PPM1H: variants seen among roughly 807,000 people sequenced by gnomAD.
The protein encoded by PPM1H is protein phosphatase 1H.
In PPM1H, 27 loss-of-function variants were observed where a neutral mutation model predicts 54.9. The ratio of observed to expected loss-of-function variants is 0.49; its 90% CI spans 0.36 to 0.68. The LOEUF (loss-of-function observed/expected upper bound fraction) is 0.68. Among genes scored for constraint, PPM1H ranks in the 30% least tolerant of loss-of-function variants. The probability of loss-of-function intolerance (pLI) is 0.00; values close to 1 mark genes in which losing one functional copy is unlikely to be tolerated. For missense variants in PPM1H, 596 were observed against 667.8 expected, an observed-to-expected ratio of 0.89 and a Z score of 1.19; for synonymous variants, 305 against 270.8, an observed-to-expected ratio of 1.13 and a Z score of -1.24.
At chr12:62,701,157 C>T (rs572940647) in intron 6 of PPM1H, among the ~76,000 whole-genome samples, 3 of 152,276 alleles carry the variant, frequency 2.0e-5, no homozygotes, top group African/African-American at 7.2e-5. Context: ...AGGCTTTATT[C>T]GTATTTTCTT....
At chr12:62,907,870 C>G (rs974865243) in intron 1 of PPM1H, among the ~76,000 whole-genome samples, 1 of 152,208 alleles carries the variant, frequency 6.6e-6, no homozygotes, top group Admixed American at 6.5e-5. Flanking sequence ...TTCTCCCCCT[C>G]ATGGCTGTCC....
chr12:62,831,714 T>TGTGA, intron 2 of PPM1H, among the ~76,000 whole-genome samples: 1 of 151,438 alleles, frequency 6.6e-6, no homozygotes, highest in African/African-American at 2.4e-5. Context: ...TGTATGTGTG[T>TGTGA]GTGTGTGTGT....
intron 1 of PPM1H, among the ~76,000 whole-genome samples, chr12:62,904,925 C>G (rs1871262650): frequency 6.6e-6 from 1 of 151,974 alleles, no homozygotes; most frequent in African/African-American, 2.4e-5. Flanking sequence ...TGTAGCCTAA[C>G]AGCCACAGCA....
intron 1 of PPM1H, among the ~76,000 whole-genome samples, chr12:62,859,019 T>TA (rs770585525): frequency 1.6e-4 from 24 of 152,292 alleles, no homozygotes; most frequent in Middle Eastern, 3.4e-3. Context: ...ACAAATGAGC[T>TA]AAAAAATCCG....
intron 2 of PPM1H, among the ~76,000 whole-genome samples, chr12:62,822,947 A>C (rs2076913394): frequency 1.3e-5 from 2 of 152,212 alleles, no homozygotes; most frequent in South Asian, 4.1e-4. Flanking sequence ...AAAATCAATA[A>C]ATTCAGGAGC....
intron 3 of PPM1H, 171 bp from the exon 4 acceptor site, chr12:62,788,509 T>G: frequency 1.9e-6 from 1 of 530,602 alleles, no homozygotes; most frequent in Non-Finnish European, 3.4e-6. Context: ...GAGAGGACAC[T>G]GGCATAAAAC....
intron 2 of PPM1H, among the ~76,000 whole-genome samples, chr12:62,816,142 T>C (rs1039487573): frequency 2.6e-5 from 4 of 152,202 alleles, no homozygotes; most frequent in African/African-American, 9.6e-5. Context: ...TCCTGCTCCA[T>C]GTCTCAACTG....
At chr12:62,780,855 ACT>A (rs146706919) in intron 4 of PPM1H, among the ~76,000 whole-genome samples, 69 of 152,292 alleles carry the variant, frequency 4.5e-4, no homozygotes, top group African/African-American at 1.5e-3. Context: ...GCACTGATCC[ACT>A]GTTCTACCCT....
intron 4 of PPM1H, among the ~76,000 whole-genome samples, chr12:62,772,355 T>G (rs2076584201): frequency 6.6e-6 from 1 of 152,194 alleles, no homozygotes; most frequent in Admixed American, 6.5e-5. Flanking sequence ...AAGTGCATGC[T>G]CATAACCATT....
chr12:62,667,507 C>T (rs572008032), intron 8 of PPM1H, among the ~76,000 whole-genome samples, 178 bp from the exon 9 acceptor site: 2 of 152,182 alleles, frequency 1.3e-5, no homozygotes, highest in Non-Finnish European at 2.9e-5. Context: ...CCCTTGGAGA[C>T]TTGCTATATA....
At chr12:62,801,723 C>G (rs1209558529) in intron 3 of PPM1H, 93 bp downstream of exon 3, 1 of 1,374,812 alleles carries the variant, frequency 7.3e-7, no homozygotes, top group African/African-American at 1.5e-5. Flanking sequence ...GCAGCAAAAC[C>G]GTGCGCTTTC....
intron 3 of PPM1H, among the ~76,000 whole-genome samples, chr12:62,790,362 G>A (rs929286428): frequency 2.6e-5 from 4 of 152,178 alleles, no homozygotes; most frequent in Admixed American, 2.0e-4. Context: ...GGTCACTTGA[G>A]GCTAGGAGTT....
intron 1 of PPM1H, among the ~76,000 whole-genome samples, chr12:62,867,929 G>A (rs1432975182): frequency 2.0e-5 from 3 of 152,130 alleles, no homozygotes; most frequent in African/African-American, 7.2e-5. Flanking sequence ...AGCAGCTGGT[G>A]TAAATGCCCA....
intron 4 of PPM1H, among the ~76,000 whole-genome samples, chr12:62,778,801 C>T (rs368930666): frequency 7.4e-4 from 113 of 152,074 alleles, no homozygotes; most frequent in African/African-American, 1.5e-3. Context: ...CATGGTGGCA[C>T]GCACCTGTAA....
intron 2 of PPM1H, among the ~76,000 whole-genome samples, chr12:62,815,054 G>A (rs1323466169): frequency 6.6e-6 from 1 of 152,202 alleles, no homozygotes; most frequent in African/African-American, 2.4e-5. Context: ...AAAGGGAGAA[G>A]AATAAGCCAA....
At chr12:62,893,464 T>A (rs1393659670) in intron 1 of PPM1H, among the ~76,000 whole-genome samples, 1 of 150,708 alleles carries the variant, frequency 6.6e-6, no homozygotes, top group Non-Finnish European at 1.5e-5. Flanking sequence ...TCATTTAACC[T>A]TTTTTTTTCT....
At chr12:62,789,473 C>T (rs1328118647) in intron 3 of PPM1H, among the ~76,000 whole-genome samples, 2 of 152,184 alleles carry the variant, frequency 1.3e-5, no homozygotes, top group Non-Finnish European at 2.9e-5. Context: ...TTATAAATGA[C>T]TTATAATGAC....
chr12:62,888,563 T>C (rs987938877), intron 1 of PPM1H, among the ~76,000 whole-genome samples: 3 of 151,910 alleles, frequency 2.0e-5, no homozygotes, highest in African/African-American at 7.3e-5. Context: ...GATGCCAACA[T>C]AAGAAAAGGG....
At chr12:62,655,755 T>A (rs1453451039) in intron 9 of PPM1H, among the ~76,000 whole-genome samples, 1 of 152,186 alleles carries the variant, frequency 6.6e-6, no homozygotes, top group Non-Finnish European at 1.5e-5. Context: ...GCAGCCCTAG[T>A]GCCGTCACTG....
Sources: allele counts gnomAD v4.1 joint callset (sites outside exome capture counted in the v4.1 genomes callset), GRCh38; gene constraint gnomAD v4.1.1; transcripts MANE v1.5; gene names NCBI Gene and HGNC (gene_info 2026-07-23, HGNC 2026-07-21).